Variants in LINGO1 observed in about 807,000 individuals in gnomAD.
The protein encoded by LINGO1 is leucine rich repeat and Ig domain containing 1.
Under a neutral mutation model 37.3 loss-of-function variants are expected in LINGO1, and 11 were observed. That is an observed-to-expected ratio of 0.29 (90% CI 0.19 to 0.49). LINGO1 has a LOEUF of 0.49. Among genes scored for constraint, LINGO1 ranks in the 20% least tolerant of loss-of-function variants. LINGO1 has a pLI of 0.99. For synonymous variants in LINGO1, 387 were observed against 403.0 expected (o/e 0.96, Z 0.48); for missense variants, 585 against 878.2 (o/e 0.67, Z 4.22).
intron 2 of LINGO1, among the ~76,000 whole-genome samples, chr15:77,727,758 G>T (rs1423314253): frequency 6.6e-6 from 1 of 150,512 alleles, no homozygotes; most frequent in Non-Finnish European, 1.5e-5. Flanking sequence ...AAAAAAAAAA[G>T]AAAAGGAAAA....
At chr15:77,655,328 T>C (rs1378988238) in intron 3 of LINGO1, among the ~76,000 whole-genome samples, 1 of 152,186 alleles carries the variant, frequency 6.6e-6, no homozygotes, top group Non-Finnish European at 1.5e-5. Flanking sequence ...CCCAGGTTGG[T>C]TCTGCCCCAG....
intron 1 of LINGO1, among the ~76,000 whole-genome samples, chr15:77,776,496 G>GCAGGAAA (rs2076647824): frequency 1.1e-3 from 94 of 85,638 alleles, no homozygotes; most frequent in African/African-American, 4.0e-3. Flanking sequence ...AAAGCAGGAA[G>GCAGGAAA]GCAGGAAGGC....
chr15:77,647,922 A>G (rs909250037), intron 3 of LINGO1: 1 of 456,380 alleles, frequency 2.2e-6, no homozygotes, highest in Admixed American at 2.4e-5. Flanking sequence ...CCCCTTCTCT[A>G]TGAAAATTGG....
intron 1 of LINGO1, among the ~76,000 whole-genome samples, chr15:77,758,533 C>G (rs1288493837): frequency 6.6e-6 from 1 of 152,174 alleles, no homozygotes; most frequent in African/African-American, 2.4e-5. Flanking sequence ...CCAGCAGGGG[C>G]AGTCAGGGTG....
chr15:77,810,980 C>T (rs1194211115), intron 1 of LINGO1, among the ~76,000 whole-genome samples: 2 of 152,028 alleles, frequency 1.3e-5, no homozygotes, highest in Non-Finnish European at 2.9e-5. Flanking sequence ...CAGAAGCTCA[C>T]CCCCTTGAGT....
upstream of LINGO1, among the ~76,000 whole-genome samples, chr15:77,634,645 T>C (rs1366303093): frequency 6.6e-6 from 1 of 151,972 alleles, no homozygotes; most frequent in Non-Finnish European, 1.5e-5. Context: ...GACTTACAGG[T>C]GGGAGGTGAA....
intron 1 of LINGO1, among the ~76,000 whole-genome samples, chr15:77,622,585 C>A (rs2073957488): frequency 6.6e-6 from 1 of 152,218 alleles, no homozygotes; most frequent in Non-Finnish European, 1.5e-5. Context: ...CTCCCCAAGT[C>A]CCTGCCTGCC....
intron 2 of LINGO1, among the ~76,000 whole-genome samples, chr15:77,681,546 G>T (rs2075413733): frequency 6.6e-6 from 1 of 152,190 alleles, no homozygotes. Flanking sequence ...CTTGGAAAAT[G>T]CCTGACTAGA....
In LINGO1 at chr15:77,709,623, G is replaced by A. The variant is rs886116266; in HGVS notation, c.-194-18722C>T. 3.5e-4 allele frequency among the ~76,000 whole-genome samples: 54 copies of A among 152,212 alleles called. 2 individuals are homozygous for A. Among genetic ancestry groups the A allele is most frequent in the Non-Finnish European group, 1.5e-4 (10 of 68,040 alleles). ...AGAAAAACCCAGCCTTCCTGCACCC[G>A]GCTGTTCCAGACTGAAAGTGGCATC... On this transcript the variant is annotated intron_variant, in intron 2 of 3. Coordinates refer to the LINGO1 transcript ENST00000561686.
At chr15:77,689,423 G>A (rs977972611) in intron 2 of LINGO1, among the ~76,000 whole-genome samples, 20 of 152,300 alleles carry the variant, frequency 1.3e-4, no homozygotes, top group African/African-American at 3.8e-4. Context: ...TGGCCGGTGC[G>A]CTACCCTGTC....
chr15:77,791,373 A>G (rs4595767), upstream of LINGO1, among the ~76,000 whole-genome samples: 75,781 of 137,186 alleles, frequency 0.55, 19,617 homozygotes, highest in South Asian at 0.64. Flanking sequence ...ACACGCAAAG[A>G]GGCCGAGGGA....
At position 77,614,425 on chromosome 15, in the gene LINGO1, C is replaced by A; in HGVS notation, c.1482G>T (p.Thr494=). ...CCGCGTTGGCCGCGATGCACAGGTA[C>A]GTGCCGTTGTCCTGTACCTGGGCGT... The part of the protein sequence containing the change: ...VRYAQVQDNG[T]YLCIAANAGG... The change falls in exon 2 of 2, where the codon ACG becomes ACT. Residue 494 remains threonine (T), a synonymous_variant. Transcript: ENST00000355300. 1.2e-6 allele frequency: 2 copies of A among 1,612,276 alleles called. No homozygotes were observed. Among genetic ancestry groups the A allele is most frequent in the South Asian group, 1.1e-5 (1 of 91,092 alleles).
At chr15:77,636,349 G>A (rs1407622039), upstream of LINGO1, among the ~76,000 whole-genome samples, 2 of 152,202 alleles carry the variant, frequency 1.3e-5, no homozygotes, top group Non-Finnish European at 2.9e-5. Context: ...AGGGTTTTAC[G>A]ATGATGATTA....
rs1485084130 is a variant in LINGO1, at chr15:77,613,027, C to T, written c.*1017G>A. The T allele has an allele frequency of 6.6e-6, 1 of 152,032 alleles. No individual in the cohort carries two copies. The highest frequency in any genetic ancestry group is 1.9e-4 in the East Asian group (1 of 5,174). The allele number at this position is 152,032 out of a possible 1,614,324, so 9.4% of individuals were successfully genotyped here. On this transcript the variant is annotated 3_prime_UTR_variant, in exon 2 of 2. Transcript: ENST00000355300. The stretch of plus-strand genomic sequence containing the variant: ...TGACCATAATGAGAACAGTCACCCA[C>T]ACGTGTGCACAGCGCTTTACAGGTT...
intron 1 of LINGO1, among the ~76,000 whole-genome samples, chr15:77,694,065 C>A (rs2075649764): frequency 6.6e-6 from 1 of 151,994 alleles, no homozygotes; most frequent in Non-Finnish European, 1.5e-5. Flanking sequence ...GTCTGGGGAC[C>A]ATGTGTGTTG....
intron 1 of LINGO1, among the ~76,000 whole-genome samples, chr15:77,741,319 C>T (rs559149735): frequency 1.3e-5 from 2 of 152,354 alleles, no homozygotes; most frequent in South Asian, 2.1e-4. Flanking sequence ...AACCAACCCC[C>T]GCCCCACCCA....
intron 1 of LINGO1, among the ~76,000 whole-genome samples, chr15:77,801,230 T>C (rs2076915603): frequency 6.6e-6 from 1 of 152,198 alleles, no homozygotes; most frequent in South Asian, 2.1e-4. Flanking sequence ...ACGGAAACAT[T>C]GCTGGTAAGA....
intron 1 of LINGO1, chr15:77,784,733 T>A (rs2076754674): frequency 6.6e-6 from 1 of 152,056 alleles, no homozygotes; most frequent in Admixed American, 6.5e-5. Context: ...GTCTTACACC[T>A]GGGAAGGTCC....
chr15:77,634,387 C>A (rs1441354084), upstream of LINGO1: 1 of 455,166 alleles, frequency 2.2e-6, no homozygotes, highest in Non-Finnish European at 4.4e-6. Flanking sequence ...CTATGCCCAT[C>A]CTCAACCTAG....
Sources: gnomAD v4.1 joint callset for allele counts (sites outside exome capture counted in the v4.1 genomes callset) on GRCh38, gnomAD v4.1.1 for gene constraint, MANE v1.5 for transcripts, NCBI Gene and HGNC (gene_info 2026-07-23, HGNC 2026-07-21) for gene names.